The following IL17RE variants were observed in gnomAD, a reference collection of about 807,000 sequenced individuals.
IL17RE encodes the protein interleukin-17 receptor E.
A neutral mutation model predicts 70.7 loss-of-function variants in IL17RE; 47 were observed. The observed-to-expected ratio is 0.67, with a 90% confidence interval of 0.53 to 0.85. The LOEUF (loss-of-function observed/expected upper bound fraction) is 0.85, where lower values mean the gene tolerates loss of function less well. IL17RE is among the 40% of genes least tolerant of loss of function. The probability of loss-of-function intolerance (pLI) is 0.00; values close to 1 mark genes in which losing one functional copy is unlikely to be tolerated. For synonymous variants in IL17RE, 372 were observed against 381.2 expected (o/e 0.98, Z 0.28); for missense variants, 850 against 893.9 (o/e 0.95, Z 0.63).
chr3:9,902,898 G>T lies in IL17RE; in HGVS notation c.-35G>T. 1 of 1,614,164 alleles carries T rather than the reference G, an allele frequency of 6.2e-7. No individual in the cohort carries two copies. The highest frequency in any genetic ancestry group is 8.5e-7 in the Non-Finnish European group (1 of 1,180,022). On this transcript the variant is annotated 5_prime_UTR_variant, in exon 1 of 16. Coordinates refer to ENST00000383814, the MANE Select transcript of IL17RE (RefSeq NM_153480.2). ...CTGCCACCCACCTTCAGGCCATGCA[G>T]CCATGTTCCGGGAGCCCTAATTGCA...
At chr3:9,910,760 TG>T (rs2125086477) in intron 8 of IL17RE, 104 bp from the exon 9 acceptor site, 2 of 913,246 alleles carry the variant, frequency 2.2e-6, no homozygotes, top group Non-Finnish European at 3.4e-6. Context: ...GGAATAGTGC[TG>T]GTTACTTTTA....
intron 12 of IL17RE, among the ~76,000 whole-genome samples, chr3:9,912,308 G>C (rs905944232): frequency 1.3e-5 from 2 of 152,090 alleles, no homozygotes; most frequent in South Asian, 4.1e-4. Context: ...TGCCAAAAAG[G>C]TCGGGGACCA....
chr3:9,914,645 G>C, intron 14 of IL17RE, 34 bp from the exon 15 acceptor site: 1 of 1,613,288 alleles, frequency 6.2e-7, no homozygotes, highest in Non-Finnish European at 8.5e-7. Flanking sequence ...TGGGCACTGA[G>C]GAACTGGGCT....
In IL17RE at chr3:9,915,807, A is replaced by C; in HGVS notation, c.2004A>C (p.Ter668CysextTer145). ...CCGCCCGACTTGCAGACCTAGGTTG[A>C]GCAGAGCTCCACCGCAGTCCCGGGT... ...REAARLADLG[*>C] is the part of the protein sequence containing the mutation. Residue 668 changes from the stop codon to cysteine (C), a stop_lost, in exon 16 of 16, where the codon TGA (stop) becomes TGC (cysteine). Transcript: ENST00000383814. This position sits in a 1 kb window ranked among gnomAD's most constrained non-coding sequence, Gnocchi z 4.9. The C allele has an allele frequency of 6.6e-7, 1 of 1,524,106 alleles. No individual in the cohort carries two copies. Among genetic ancestry groups the C allele is most frequent in the East Asian group, 2.6e-5 (1 of 37,772 alleles). 94.4% of individuals were successfully genotyped at this position (1,524,106 alleles called of 1,614,324 possible).
chr3:9,914,076 T>C (rs757358531), intron 13 of IL17RE, 52 bp downstream of exon 13: 183 of 1,382,554 alleles, frequency 1.3e-4, no homozygotes, highest in Non-Finnish European at 1.8e-4. Context: ...TCTGCTCCCC[T>C]AGTGGCACCC....
chr3:9,910,777 A>G, intron 8 of IL17RE, 88 bp from the exon 9 acceptor site: 3 of 1,207,044 alleles, frequency 2.5e-6, no homozygotes, highest in Non-Finnish European at 3.5e-6. Flanking sequence ...TTTTACAAAC[A>G]TTATCTCCAG....
rs114789383 is a variant in IL17RE at position 9,908,391 on chromosome 3, T to C, written c.735+84T>C. On this transcript the variant is annotated intron_variant, in intron 7 of 15. Coordinates refer to ENST00000383814, the MANE Select transcript of IL17RE (RefSeq NM_153480.2). ...CGCAGTTGGTCAAGTATATCTCCAG[T>C]AAATTGGGTTTAAAAAGACTGAGTG... 7.9e-4 allele frequency: 935 copies of C among 1,184,266 alleles called. 7 individuals carry two copies. In the African/African-American group the frequency reaches 0.011, roughly 15 times the overall value. 73.4% of individuals were successfully genotyped at this position (1,184,266 alleles called of 1,614,324 possible). A position where few individuals can be genotyped will look rare whatever the true frequency, so the allele number is the denominator to read the frequency against.
rs961468282 is a variant in IL17RE at position 9,911,375 on chromosome 3, C to A, written c.1073-68C>A. On this transcript the variant is annotated intron_variant, in intron 11 of 15. Transcript: ENST00000383814. ...CACCCAACTGTAACCAAGCTAAACC[C>A]CAGCCCAGCCCTGAATTCATCACCC... 7 of 1,612,618 alleles carry A rather than the reference C, an allele frequency of 4.3e-6. No individual in the cohort carries two copies. In the African/African-American group the frequency reaches 9.3e-5, roughly 22 times the overall value.
At chr3:9,905,377 G>A (rs550624392) in intron 3 of IL17RE, among the ~76,000 whole-genome samples, 22 of 151,588 alleles carry the variant, frequency 1.5e-4, no homozygotes, top group Non-Finnish European at 2.8e-4. Flanking sequence ...GATTGCTTAA[G>A]CCCAAGAGTT....
intron 9 of IL17RE, 35 bp from the exon 10 acceptor site, chr3:9,911,091 AT>A: frequency 1.2e-6 from 2 of 1,614,082 alleles, no homozygotes; most frequent in Non-Finnish European, 1.7e-6. Flanking sequence ...GGGCCCAGGA[AT>A]TTTCTCCCTG....
chr3:9,907,996 T>C (rs946752642), intron 6 of IL17RE, among the ~76,000 whole-genome samples: 2 of 152,186 alleles, frequency 1.3e-5, no homozygotes, highest in Non-Finnish European at 2.9e-5. Flanking sequence ...TGGCATATAG[T>C]AGGGCCTCAA....
At chr3:9,907,760 G>A (rs2082794102) in intron 6 of IL17RE, among the ~76,000 whole-genome samples, 1 of 152,190 alleles carries the variant, frequency 6.6e-6, no homozygotes, top group Non-Finnish European at 1.5e-5. Context: ...GCCACTCAGA[G>A]AGTGATATGT....
intron 12 of IL17RE, among the ~76,000 whole-genome samples, chr3:9,913,387 GA>G (rs1387906698): frequency 1.3e-5 from 2 of 151,746 alleles, no homozygotes; most frequent in Non-Finnish European, 2.9e-5. Context: ...CTGCACGACG[GA>G]GCAAGACTCT....
At chr3:9,904,288 T>C in intron 3 of IL17RE, 137 bp downstream of exon 3, 1 of 890,996 alleles carries the variant, frequency 1.1e-6, no homozygotes, top group African/African-American at 1.7e-5. Flanking sequence ...TATCCTAAAA[T>C]AGCACGCTAT....
rs1266122498 is a variant in IL17RE, at chr3:9,914,759, T to A, written c.1429T>A (p.Cys477Ser). 1 of 1,613,730 alleles carries A rather than the reference T, an allele frequency of 6.2e-7. No individual in the cohort carries two copies. Among genetic ancestry groups the A allele is most frequent in the East Asian group, 2.2e-5 (1 of 44,892 alleles). ...ACTGGGTGTTGTTCTGGCCCTCACC[T>A]GCCGGCGCCCACAGTCAGGTAAGCT... ...TLLGVVLALT[C>S]RRPQSGPGPA... The change falls in exon 15 of 16, where the codon TGC becomes AGC. Residue 477 changes from cysteine (C) to serine (S), a missense_variant. Transcript: ENST00000383814.
intron 11 of IL17RE, 55 bp from the exon 12 acceptor site, chr3:9,911,388 G>A (rs2082887831): frequency 6.2e-7 from 1 of 1,612,770 alleles, no homozygotes; most frequent in Non-Finnish European, 8.5e-7. Context: ...GCCCAGCCCT[G>A]AATTCATCAC....
chr3:9,914,759 T>G lies in IL17RE; in HGVS notation c.1429T>G (p.Cys477Gly), dbSNP rs1266122498. The change falls in exon 15 of 16, where the codon TGC becomes GGC. Residue 477 changes from cysteine to glycine, a missense_variant. Physicochemically the swap from Cys to Gly is radical, Grantham distance 159 (BLOSUM62 -3). Transcript: ENST00000383814. ...TLLGVVLALTCRRPQSGPGPA... is the reference protein window; with the variant it reads ...TLLGVVLALTGRRPQSGPGPA... The stretch of plus-strand genomic sequence containing the variant: ...ACTGGGTGTTGTTCTGGCCCTCACC[T>G]GCCGGCGCCCACAGTCAGGTAAGCT... 2 of 1,613,848 alleles carry G rather than the reference T, an allele frequency of 1.2e-6. No homozygotes were observed. Among genetic ancestry groups the G allele is most frequent in the African/African-American group, 2.7e-5 (2 of 75,020 alleles).
chr3:9,906,488 A>G (rs1307216483), intron 4 of IL17RE, 27 bp downstream of exon 4: 1 of 1,535,126 alleles, frequency 6.5e-7, no homozygotes, highest in Admixed American at 1.7e-5. Context: ...TTCCAGCCCT[A>G]CCTGACGCCC....
intron 7 of IL17RE, 135 bp downstream of exon 7, chr3:9,908,442 C>A: frequency 1.4e-6 from 1 of 740,524 alleles, no homozygotes; most frequent in Non-Finnish European, 2.3e-6. Context: ...GGAAGACCAG[C>A]GCCAGCTTGG....
Sources: allele counts gnomAD v4.1 joint callset (sites outside exome capture counted in the v4.1 genomes callset), GRCh38; gene constraint gnomAD v4.1.1; non-coding constraint Gnocchi (gnomAD v3.1); transcripts MANE v1.5; gene names NCBI Gene and HGNC (gene_info 2026-07-23, HGNC 2026-07-21).